The following DEFB134 variants were observed in gnomAD, a reference collection of about 807,000 sequenced individuals.
DEFB134 encodes defensin beta 134.
In DEFB134, 7 loss-of-function variants were observed where a neutral mutation model predicts 7.4. The observed-to-expected ratio is 0.95, with a 90% CI of 0.54 to 1.79. The LOEUF (loss-of-function observed/expected upper bound fraction) is 1.79. DEFB134 is among the 40% of genes most tolerant of loss of function. The probability of loss-of-function intolerance (pLI) is 0.00; values close to 1 mark genes in which losing one functional copy is unlikely to be tolerated. For missense variants in DEFB134, 105 were observed against 74.8 expected, an observed-to-expected ratio of 1.40 and a Z score of -1.49; for synonymous variants, 33 against 25.0, an observed-to-expected ratio of 1.32 and a Z score of -0.96.
At chr8:11,998,643 A>T (rs1467048051), upstream of DEFB134, among the ~76,000 whole-genome samples, 1 of 152,100 alleles carries the variant, frequency 6.6e-6, no homozygotes, top group Non-Finnish European at 1.5e-5. Context: ...AACTAAAAAA[A>T]CAAGAGCAAA....
upstream of DEFB134, chr8:11,999,407 A>G (rs1800213468): frequency 5.6e-6 from 1 of 179,676 alleles, no homozygotes; most frequent in Non-Finnish European, 1.2e-5. Context: ...GAGAAATAAT[A>G]AAGCAATATA....
upstream of DEFB134, among the ~76,000 whole-genome samples, chr8:11,997,177 A>G (rs766915549): frequency 2.6e-5 from 4 of 152,192 alleles, no homozygotes; most frequent in African/African-American, 7.2e-5. Context: ...AATATATTCT[A>G]TACTCTTTCT....
chr8:11,994,025 A>G (rs1191977616), exon 2 of DEFB134: 7 of 1,613,978 alleles, frequency 4.3e-6, no homozygotes, highest in African/African-American at 4.0e-5. Context: ...GCTGAAACAT[A>G]CAGTAGGCAA....
upstream of DEFB134, chr8:11,996,451 C>G: frequency 2.2e-6 from 1 of 457,040 alleles, no homozygotes; most frequent in Non-Finnish European, 3.9e-6. Flanking sequence ...AATGGACAGC[C>G]CTTTCTTGTT....
At chr8:11,993,395 A>T (rs893825706) in exon 2 of DEFB134, 12 of 152,256 alleles carry the variant, frequency 7.9e-5, no homozygotes, top group African/African-American at 2.7e-4. Context: ...TGCTCAACTG[A>T]AACTAGGGAG....
At chr8:11,998,850 G>T (rs914980694), upstream of DEFB134, among the ~76,000 whole-genome samples, 3 of 152,000 alleles carry the variant, frequency 2.0e-5, no homozygotes, top group African/African-American at 7.2e-5. Context: ...CGAGAAAGAG[G>T]ATATTACCAC....
rs1800057523 is a variant in DEFB134, at chr8:11,994,153, A to G, written c.59-31T>C. ...AGGAAAATGAATAGAAAGATAATTCACTACAGGCCTTTTTGGACCATAAAA... is the reference window on the plus strand; with the variant it reads ...AGGAAAATGAATAGAAAGATAATTCGCTACAGGCCTTTTTGGACCATAAAA... On this transcript the variant is annotated intron_variant, in intron 1 of 1. Coordinates refer to ENST00000526438, the Ensembl canonical transcript of DEFB134. 5.7e-6 allele frequency: 9 copies of G among 1,592,138 alleles called. No individual in the cohort carries two copies. The South Asian group carries it at 9.1e-5, about 16-fold the overall frequency.
upstream of DEFB134, among the ~76,000 whole-genome samples, chr8:11,998,103 C>T (rs1002259645): frequency 6.6e-6 from 1 of 152,174 alleles, no homozygotes; most frequent in African/African-American, 2.4e-5. Context: ...AAACAATATG[C>T]TCCTTAAAGA....
intron 1 of DEFB134, among the ~76,000 whole-genome samples, chr8:11,995,233 C>T (rs142854962): frequency 6.6e-6 from 1 of 152,160 alleles, no homozygotes; most frequent in Non-Finnish European, 1.5e-5. Context: ...ATATGGGGTT[C>T]TTTGTCTGGA....
upstream of DEFB134, chr8:11,996,370 G>C (rs546424593): frequency 1.8e-6 from 2 of 1,099,546 alleles, no homozygotes; most frequent in South Asian, 1.4e-5. Context: ...GGTATGCCTC[G>C]CTTCAGGTAG....
exon 1 of DEFB134, chr8:11,996,225 G>A: frequency 6.2e-7 from 1 of 1,613,732 alleles, no homozygotes; most frequent in Non-Finnish European, 8.5e-7. Context: ...GGAAAAGAAA[G>A]ACAAACACAA....
At chr8:11,996,554 T>C (rs1770442909), upstream of DEFB134, among the ~76,000 whole-genome samples, 1 of 152,224 alleles carries the variant, frequency 6.6e-6, no homozygotes, top group Admixed American at 6.5e-5. Context: ...CTTACTCTTT[T>C]AAATGAGTAA....
At chr8:11,994,635 T>C (rs139970140) in intron 1 of DEFB134, among the ~76,000 whole-genome samples, 155 of 152,368 alleles carry the variant, frequency 1.0e-3, no homozygotes, top group African/African-American at 3.7e-3. Flanking sequence ...AATTTGGAAG[T>C]TTCCCTGAAT....
chr8:11,998,471 A>T (rs1311070692), upstream of DEFB134, among the ~76,000 whole-genome samples: 2 of 152,160 alleles, frequency 1.3e-5, no homozygotes, highest in East Asian at 3.9e-4. Context: ...TAAAAAAAAT[A>T]AAAAAGAGAC....
intron 1 of DEFB134, among the ~76,000 whole-genome samples, chr8:11,994,374 T>C (rs1283213434): frequency 5.9e-5 from 9 of 152,228 alleles, no homozygotes; most frequent in African/African-American, 2.2e-4. Flanking sequence ...TTAAATGAGG[T>C]CATGATGGTG....
upstream of DEFB134, among the ~76,000 whole-genome samples, chr8:11,997,122 C>T (rs1563114964): frequency 6.6e-6 from 1 of 152,164 alleles, no homozygotes; most frequent in Non-Finnish European, 1.5e-5. Context: ...TCTGCTGACA[C>T]TATAGATTAC....
intron 1 of DEFB134, among the ~76,000 whole-genome samples, chr8:11,994,634 G>A (rs1202362956): frequency 6.6e-6 from 1 of 152,208 alleles, no homozygotes. Flanking sequence ...TAATTTGGAA[G>A]TTTCCCTGAA....
At chr8:11,997,724 GT>G (rs1800162834), upstream of DEFB134, among the ~76,000 whole-genome samples, 1 of 152,112 alleles carries the variant, frequency 6.6e-6, no homozygotes, top group Non-Finnish European at 1.5e-5. Context: ...TATAAAACAA[GT>G]TCTTAGAGAC....
chr8:12,000,425 G>C (rs1466998187), upstream of DEFB134, among the ~76,000 whole-genome samples: 1 of 152,034 alleles, frequency 6.6e-6, no homozygotes. Flanking sequence ...TAGATATTAG[G>C]TTTATACTTT....
Sources: gnomAD v4.1 joint callset for allele counts (sites outside exome capture counted in the v4.1 genomes callset) on GRCh38, gnomAD v4.1.1 for gene constraint, MANE v1.5 for transcripts, NCBI Gene and HGNC (gene_info 2026-07-23, HGNC 2026-07-21) for gene names.